Variants in FRMD5 observed in about 807,000 individuals in gnomAD.
FRMD5 encodes FERM domain containing 5, also known as FERM domain-containing protein 5.
FRMD5 carries 20 observed loss-of-function variants against 69.0 expected under a neutral mutation model. The observed-to-expected ratio is 0.29, with a 90% CI of 0.20 to 0.42. FRMD5 has a LOEUF of 0.42. FRMD5 is among the 10% of genes least tolerant of loss of function. The probability of loss-of-function intolerance (pLI) is 1.00; values close to 1 mark genes in which losing one functional copy is unlikely to be tolerated. For synonymous variants in FRMD5, 271 were observed against 260.1 expected (o/e 1.04, Z -0.40); for missense variants, 595 against 708.6 (o/e 0.84, Z 1.82).
At chr15:44,045,920 ACT>A (rs896977395) in intron 1 of FRMD5, among the ~76,000 whole-genome samples, 26 of 152,218 alleles carry the variant, frequency 1.7e-4, no homozygotes, top group African/African-American at 6.3e-4. Flanking sequence ...GTCATTTGTC[ACT>A]CTGTCACAGA....
intron 13 of FRMD5, among the ~76,000 whole-genome samples, chr15:43,882,149 C>T (rs555623214): frequency 3.4e-4 from 52 of 152,160 alleles, no homozygotes; most frequent in Non-Finnish European, 6.3e-4. Flanking sequence ...AGCTAGAGGG[C>T]AGTATTCCAA....
chr15:43,933,908 C>T (rs1378825954), intron 1 of FRMD5, among the ~76,000 whole-genome samples: 2 of 152,186 alleles, frequency 1.3e-5, no homozygotes, highest in African/African-American at 2.4e-5. Context: ...GGGGAAAGAA[C>T]TCCCCTTCTC....
chr15:43,908,222 G>A (rs953785187), intron 5 of FRMD5, among the ~76,000 whole-genome samples: 11 of 151,684 alleles, frequency 7.3e-5, no homozygotes, highest in Admixed American at 2.6e-4. Context: ...CAGCTACTTG[G>A]GAGGCTGAGG....
At chr15:44,152,294 C>A (rs1297599435) in intron 1 of FRMD5, among the ~76,000 whole-genome samples, 1 of 152,196 alleles carries the variant, frequency 6.6e-6, no homozygotes, top group East Asian at 1.9e-4. Flanking sequence ...TGTCTCCCTT[C>A]TTTTGCTCAA....
At chr15:44,027,639 G>GTTTTTTT in intron 1 of FRMD5, among the ~76,000 whole-genome samples, 3 of 27,048 alleles carry the variant, frequency 1.1e-4, no homozygotes, top group Non-Finnish European at 3.6e-4. Flanking sequence ...TTCTTTTCTA[G>GTTTTTTT]TTTTTTTTTT....
chr15:43,996,845 A>G (rs1889954475), intron 1 of FRMD5, among the ~76,000 whole-genome samples: 1 of 151,340 alleles, frequency 6.6e-6, no homozygotes, highest in Admixed American at 6.6e-5. Flanking sequence ...AGCAGAAACC[A>G]TCTTTTAACG....
At chr15:43,965,043 C>T (rs1196072674) in intron 1 of FRMD5, among the ~76,000 whole-genome samples, 1 of 152,152 alleles carries the variant, frequency 6.6e-6, no homozygotes, top group African/African-American at 2.4e-5. Flanking sequence ...ACTGAGGGAA[C>T]TCACCTAGTA....
chr15:43,921,110 G>A lies in FRMD5; in HGVS notation c.208-1301C>T, dbSNP rs117170637. On this transcript the variant is annotated intron_variant, in intron 2 of 13. Transcript: ENST00000417257. ...TTAAGAGGCCCTTCTCACATTACAC[G>A]GCCCACCGCGGCTCAGCTTCACAGG... Among the ~76,000 whole-genome samples the A allele has an allele frequency of 1.0e-3, 152 of 152,188 alleles. 3 individuals carry two copies. In the East Asian group the frequency reaches 0.027, roughly 27 times the overall value.
intron 1 of FRMD5, among the ~76,000 whole-genome samples, chr15:43,953,348 G>T (rs573561058): frequency 5.9e-5 from 9 of 152,304 alleles, no homozygotes; most frequent in Non-Finnish European, 1.2e-4. Flanking sequence ...TTCTCTGGTA[G>T]CATCCCCATC....
At chr15:43,958,059 G>C (rs2090141881) in intron 1 of FRMD5, among the ~76,000 whole-genome samples, 1 of 152,158 alleles carries the variant, frequency 6.6e-6, no homozygotes, top group Non-Finnish European at 1.5e-5. Context: ...ATATCTAAGA[G>C]AATCTGAATT....
chr15:43,977,022 C>T (rs532295082), intron 1 of FRMD5, among the ~76,000 whole-genome samples: 20 of 152,020 alleles, frequency 1.3e-4, no homozygotes, highest in African/African-American at 4.8e-4. Context: ...TTAGTAGAAA[C>T]AGGGTTTCAC....
Position 43,873,151 on chromosome 15 carries a change from G to C in FRMD5, c.*734C>G. 6.5e-7 allele frequency: 1 copy of C among 1,548,328 alleles called. No homozygotes were observed. Among genetic ancestry groups the C allele is most frequent in the South Asian group, 1.2e-5 (1 of 84,004 alleles). On this transcript the variant is annotated 3_prime_UTR_variant, in exon 14 of 14. Transcript: ENST00000417257. The stretch of plus-strand genomic sequence containing the variant: ...CTATGGTGATGCCCACTAGGCTCTA[G>C]ACTAAGGGGACAGACTTACCCCACC...
intron 4 of FRMD5, among the ~76,000 whole-genome samples, chr15:43,918,054 C>T (rs1487197510): frequency 6.6e-6 from 1 of 152,216 alleles, no homozygotes; most frequent in Non-Finnish European, 1.5e-5. Context: ...TTGGCCCCCT[C>T]CTCTCCCCAT....
At position 44,041,971 on chromosome 15, in the gene FRMD5, A is replaced by G. The variant is rs181840997; in HGVS notation, c.103-117662T>C. Among the ~76,000 whole-genome samples, 237 of 152,248 alleles carry G rather than the reference A, an allele frequency of 1.6e-3. 2 individuals are homozygous for G. The highest frequency in any genetic ancestry group is 5.5e-3 in the African/African-American group (227 of 41,566). Reference sequence around the variant, plus strand: ...GAGATAGAGACATGAAAAACCCCTCAAAAAAATCAATGAATCCAAGAGCTG... The same window carrying G: ...GAGATAGAGACATGAAAAACCCCTCGAAAAAATCAATGAATCCAAGAGCTG... On this transcript the variant is annotated intron_variant, in intron 1 of 13. Coordinates refer to ENST00000417257, the MANE Select transcript of FRMD5 (RefSeq NM_032892.5).
At chr15:44,114,742 A>G (rs1411974011) in intron 1 of FRMD5, among the ~76,000 whole-genome samples, 2 of 152,232 alleles carry the variant, frequency 1.3e-5, no homozygotes, top group African/African-American at 4.8e-5. Flanking sequence ...TATTCCATGA[A>G]TATTTCATAA....
intron 1 of FRMD5, among the ~76,000 whole-genome samples, chr15:44,013,108 A>G (rs1313887655): frequency 2.0e-5 from 3 of 152,184 alleles, no homozygotes; most frequent in Non-Finnish European, 4.4e-5. Flanking sequence ...AAAAGCACAC[A>G]TTGATTTCTG....
intron 1 of FRMD5, among the ~76,000 whole-genome samples, chr15:44,051,921 T>C (rs952288213): frequency 6.6e-6 from 1 of 152,182 alleles, no homozygotes; most frequent in Non-Finnish European, 1.5e-5. Context: ...CTGTTAATGC[T>C]GATCTTCATT....
At position 44,049,534 on chromosome 15, in the gene FRMD5, G is replaced by T. The variant is rs1303634348; in HGVS notation, c.103-125225C>A. On this transcript the variant is annotated intron_variant, in intron 1 of 13. Transcript: ENST00000417257. ...ATATATTTGTTGAGATGTAAAAATG[G>T]AAAGTGACATAATCAAATTAACTCA... Among the ~76,000 whole-genome samples, 5 of 151,990 alleles carry T rather than the reference G, an allele frequency of 3.3e-5. No homozygotes were observed. In the East Asian group the frequency reaches 9.6e-4, roughly 29 times the overall value.
At chr15:43,917,571 G>T (rs1029968540) in intron 4 of FRMD5, among the ~76,000 whole-genome samples, 1 of 152,078 alleles carries the variant, frequency 6.6e-6, no homozygotes, top group Non-Finnish European at 1.5e-5. Context: ...TTTTAGTAGA[G>T]ATGGGGCTTC....
Sources: allele counts gnomAD v4.1 joint callset (sites outside exome capture counted in the v4.1 genomes callset), GRCh38; gene constraint gnomAD v4.1.1; transcripts MANE v1.5; gene names NCBI Gene and HGNC (gene_info 2026-07-23, HGNC 2026-07-21).